The following TMEFF2 variants were observed in gnomAD, a reference collection of about 807,000 sequenced individuals.
TMEFF2 encodes tomoregulin-2.
TMEFF2 carries 28 observed loss-of-function variants against 53.8 expected under a neutral mutation model. That is an observed-to-expected ratio of 0.52 (90% CI 0.39 to 0.71). The LOEUF (loss-of-function observed/expected upper bound fraction) is 0.71. TMEFF2 is among the 30% of genes least tolerant of loss of function. The pLI is 0.00. For missense variants in TMEFF2, 353 were observed against 455.2 expected (o/e 0.78, Z 2.04); for synonymous variants, 162 against 166.3 (o/e 0.97, Z 0.20).
intron 7 of TMEFF2, among the ~76,000 whole-genome samples, chr2:191,990,149 G>A (rs1359687922): frequency 6.6e-6 from 1 of 152,058 alleles, no homozygotes; most frequent in Admixed American, 6.6e-5. Flanking sequence ...TTACATCCAA[G>A]TTCAAAAGTA....
chr2:192,160,928 G>A (rs1321355700), intron 4 of TMEFF2, among the ~76,000 whole-genome samples: 1 of 152,130 alleles, frequency 6.6e-6, no homozygotes, highest in Non-Finnish European at 1.5e-5. Context: ...GAAGTAAAGA[G>A]ATCTTTAAAT....
chr2:192,068,319 A>G (rs1230546558), intron 4 of TMEFF2, among the ~76,000 whole-genome samples: 1 of 151,926 alleles, frequency 6.6e-6, no homozygotes, highest in African/African-American at 2.4e-5. Context: ...GAGCATCTCA[A>G]ATGTGAATTT....
chr2:192,077,539 T>G (rs1688460448), intron 4 of TMEFF2, among the ~76,000 whole-genome samples: 1 of 152,050 alleles, frequency 6.6e-6, no homozygotes, highest in Non-Finnish European at 1.5e-5. Flanking sequence ...ACAATAATCA[T>G]TAAGGTTTGA....
chr2:192,141,509 T>C (rs1690139197), intron 4 of TMEFF2, among the ~76,000 whole-genome samples: 1 of 150,044 alleles, frequency 6.7e-6, no homozygotes, highest in Admixed American at 6.6e-5. Flanking sequence ...TAGAGCTAGG[T>C]CTCAAACATG....
At chr2:192,156,711 T>C (rs933609335) in intron 4 of TMEFF2, among the ~76,000 whole-genome samples, 9 of 152,004 alleles carry the variant, frequency 5.9e-5, no homozygotes, top group African/African-American at 2.2e-4. Flanking sequence ...TCAAATCCGA[T>C]TCCGAATTTG....
chr2:191,982,504 CAAAA>C (rs10678696), intron 7 of TMEFF2, among the ~76,000 whole-genome samples: 7,453 of 138,680 alleles, frequency 0.054, 248 homozygotes, highest in South Asian at 0.087. Flanking sequence ...TGAAAACAGG[CAAAA>C]AAAAAAAAAA....
At chr2:192,020,550 G>T (rs963804501) in intron 5 of TMEFF2, among the ~76,000 whole-genome samples, 1 of 152,032 alleles carries the variant, frequency 6.6e-6, no homozygotes, top group Admixed American at 6.6e-5. Flanking sequence ...TAAGTATGAT[G>T]ATTATATCTT....
intron 4 of TMEFF2, among the ~76,000 whole-genome samples, chr2:192,067,646 G>C (rs1688198382): frequency 6.6e-6 from 1 of 151,756 alleles, no homozygotes; most frequent in African/African-American, 2.4e-5. Flanking sequence ...TTACACTTCT[G>C]TATGTCTTTA....
intron 7 of TMEFF2, among the ~76,000 whole-genome samples, chr2:191,974,407 T>C (rs13020487): frequency 1.3e-5 from 2 of 150,422 alleles, no homozygotes; most frequent in East Asian, 3.9e-4. Context: ...AAGAATGTGG[T>C]TTTTTTTTGG....
rs140748277 is a variant in TMEFF2 at position 192,098,158 on chromosome 2, A to C, written c.440-40383T>G. On this transcript the variant is annotated intron_variant, in intron 4 of 9. Coordinates refer to ENST00000272771, the MANE Select transcript of TMEFF2 (RefSeq NM_016192.4). ...AACCACAATAGCAAAGTGAAATAAAATACTAGCTTACATGTTCTTTAAATA... is the reference window on the plus strand; with the variant it reads ...AACCACAATAGCAAAGTGAAATAAACTACTAGCTTACATGTTCTTTAAATA... Among the ~76,000 whole-genome samples the C allele has an allele frequency of 4.1e-3, 621 of 152,346 alleles. 5 individuals are homozygous for C. Among genetic ancestry groups the C allele is most frequent in the African/African-American group, 0.014 (595 of 41,582 alleles).
intron 8 of TMEFF2, 81 bp downstream of exon 8, chr2:191,956,174 C>A: frequency 2.1e-6 from 3 of 1,446,074 alleles, no homozygotes; most frequent in Non-Finnish European, 2.8e-6. Flanking sequence ...AGAATGTCTA[C>A]CAATTTTCTA....
intron 4 of TMEFF2, among the ~76,000 whole-genome samples, chr2:192,111,530 T>C (rs2105955656): frequency 6.6e-6 from 1 of 152,282 alleles, no homozygotes; most frequent in South Asian, 2.1e-4. Context: ...GTTAAAAGCA[T>C]TCAGTTTTAA....
intron 4 of TMEFF2, among the ~76,000 whole-genome samples, chr2:192,127,366 A>T (rs1167382604): frequency 2.0e-5 from 3 of 152,192 alleles, no homozygotes; most frequent in African/African-American, 7.2e-5. Context: ...CTGTTTTCTG[A>T]GTGAACACTC....
Position 192,181,514 on chromosome 2 carries a change from T to G in TMEFF2, c.413-1820A>C, listed in dbSNP as rs142116163. 5.1e-4 allele frequency among the ~76,000 whole-genome samples: 78 copies of G among 151,864 alleles called. No homozygotes were observed. The East Asian group carries it at 0.013, about 26-fold the overall frequency. On this transcript the variant is annotated intron_variant, in intron 3 of 9. Coordinates refer to ENST00000272771, the MANE Select transcript of TMEFF2 (RefSeq NM_016192.4). ...CCTTACTCATTGCATGACAGAGAAATGTTATTCAACCTTGCTAAGCATATT... is the reference window on the plus strand; with the variant it reads ...CCTTACTCATTGCATGACAGAGAAAGGTTATTCAACCTTGCTAAGCATATT...
Position 192,191,998 on chromosome 2 carries a change from CAA to C in TMEFF2, c.173-11_173-10del. 1 of 1,562,912 alleles carries C rather than the reference CAA, an allele frequency of 6.4e-7. No homozygotes were observed. The highest frequency in any genetic ancestry group is 8.8e-7 in the Non-Finnish European group (1 of 1,133,968). Reference sequence around the variant, plus strand: ...TTCTCTGTCATCATAACCTCAAATTCAAAGAGAACACTCCAGTCATTAAAACA... The same window carrying C: ...TTCTCTGTCATCATAACCTCAAATTCAGAGAACACTCCAGTCATTAAAACA... On this transcript the variant is annotated splice_polypyrimidine_tract_variant and intron_variant, in intron 1 of 9. Transcript: ENST00000272771.
intron 4 of TMEFF2, among the ~76,000 whole-genome samples, chr2:192,119,088 G>T (rs1689484287): frequency 6.6e-6 from 1 of 152,098 alleles, no homozygotes; most frequent in South Asian, 2.1e-4. Flanking sequence ...TCTGTAAGAA[G>T]CCAATGAATA....
At chr2:191,972,641 GA>G (rs566467133) in intron 7 of TMEFF2, among the ~76,000 whole-genome samples, 58 of 152,056 alleles carry the variant, frequency 3.8e-4, no homozygotes, top group African/African-American at 1.4e-3. Context: ...TGGAAGAAGG[GA>G]AAAAATTACT....
chr2:192,003,644 ACTAT>A (rs917923428), intron 5 of TMEFF2, among the ~76,000 whole-genome samples: 5 of 152,188 alleles, frequency 3.3e-5, no homozygotes, highest in Non-Finnish European at 5.9e-5. Flanking sequence ...GATTAACCTG[ACTAT>A]CTAAAGCATC....
Position 192,194,907 on chromosome 2 carries a change from C to G in TMEFF2, c.-383G>C. ...GCGCCCCGCAGCCCGGCAGCCGCCT[C>G]TCGAGCTCTGCCGCCCGCATCCCTC... On this transcript the variant is annotated 5_prime_UTR_variant, in exon 1 of 10. Coordinates refer to ENST00000272771, the MANE Select transcript of TMEFF2 (RefSeq NM_016192.4). This position sits in a 1 kb window ranked among gnomAD's most constrained non-coding sequence, Gnocchi z 4.2. 1 of 222,100 alleles carries G rather than the reference C, an allele frequency of 4.5e-6. No individual in the cohort carries two copies. The highest frequency in any genetic ancestry group is 9.0e-6 in the Non-Finnish European group (1 of 111,468). 13.8% of individuals were successfully genotyped at this position (222,100 alleles called of 1,614,324 possible).
Sources: allele counts gnomAD v4.1 joint callset (sites outside exome capture counted in the v4.1 genomes callset), GRCh38; gene constraint gnomAD v4.1.1; non-coding constraint Gnocchi (gnomAD v3.1); transcripts MANE v1.5; gene names NCBI Gene and HGNC (gene_info 2026-07-23, HGNC 2026-07-21).